The following RAP1GAP2 variants were observed in gnomAD, a reference collection of about 807,000 sequenced individuals.
RAP1GAP2 encodes the protein rap1 GTPase-activating protein 2.
A neutral mutation model predicts 95.0 loss-of-function variants in RAP1GAP2; 27 were observed. That is an observed-to-expected ratio of 0.28 (90% confidence interval 0.21 to 0.39). The LOEUF is 0.39. RAP1GAP2 is among the 10% of genes least tolerant of loss of function. The pLI, the probability that RAP1GAP2 is intolerant of heterozygous loss-of-function variation, is 1.00. For missense variants in RAP1GAP2, 771 were observed against 970.0 expected (o/e 0.79, Z 2.72); for synonymous variants, 373 against 380.9 (o/e 0.98, Z 0.24).
chr17:2,887,160 C>G (rs976286077), intron 2 of RAP1GAP2, among the ~76,000 whole-genome samples: 7 of 151,674 alleles, frequency 4.6e-5, no homozygotes, highest in African/African-American at 1.5e-4. Flanking sequence ...TAGGTCCAAG[C>G]GATTCTAGTG....
intron 1 of RAP1GAP2, among the ~76,000 whole-genome samples, chr17:2,770,097 A>G (rs1396813069): frequency 2.0e-5 from 3 of 150,814 alleles, no homozygotes; most frequent in Non-Finnish European, 4.4e-5. Flanking sequence ...AAAAAAAAGA[A>G]GAAGAAAGGA....
chr17:2,857,825 C>T lies in RAP1GAP2; in HGVS notation c.81-47459C>T, dbSNP rs74252349. ...CAAAATATGTACGTTCTTGGCCGGGCGCGGCAGCTCACGCCTGTAATCCCA... is the reference window on the plus strand; with the variant it reads ...CAAAATATGTACGTTCTTGGCCGGGTGCGGCAGCTCACGCCTGTAATCCCA... On this transcript the variant is annotated intron_variant, in intron 2 of 24. Transcript: ENST00000254695. This position sits in a 1 kb window ranked among gnomAD's most constrained non-coding sequence, Gnocchi z 4.0. Among the ~76,000 whole-genome samples the T allele has an allele frequency of 0.1, 15,528 of 152,248 alleles. 1,173 individuals carry two copies. The highest frequency in any genetic ancestry group is 0.28 in the East Asian group (1,435 of 5,178).
exon 2 of RAP1GAP2, chr17:2,770,428 C>G (rs889263073): frequency 2.5e-6 from 1 of 398,590 alleles, no homozygotes; most frequent in African/African-American, 2.1e-5. Context: ...GCCGGGCTGA[C>G]CTCGAGTCTC....
chr17:3,025,341 C>T (rs958932047), intron 19 of RAP1GAP2, among the ~76,000 whole-genome samples: 9 of 152,210 alleles, frequency 5.9e-5, no homozygotes, highest in African/African-American at 2.2e-4. Context: ...CGCACCACTG[C>T]ACTCCAGCCT....
Position 2,947,643 on chromosome 17 carries a change from G to C in RAP1GAP2, c.166-10116G>C, listed in dbSNP as rs1415016323. On this transcript the variant is annotated intron_variant, in intron 3 of 24. Transcript: ENST00000254695. ...AGAGCTCTGCCCTCGAGGACCTTCT[G>C]TTCTGCAGCCAGCCTGGTGGCCGGC... 3.3e-5 allele frequency among the ~76,000 whole-genome samples: 5 copies of C among 152,128 alleles called. No homozygotes were observed. In the South Asian group the frequency reaches 1.0e-3, roughly 32 times the overall value.
chr17:2,969,496 C>CTTT (rs34468461), intron 8 of RAP1GAP2, among the ~76,000 whole-genome samples: 13,291 of 83,664 alleles, frequency 0.16, 1,965 homozygotes, highest in East Asian at 0.28. Context: ...TATATATATT[C>CTTT]TTTTTTTTTT....
rs546994825 is a variant in RAP1GAP2, at chr17:2,963,927, G to A, written c.351G>A (p.Pro117=). Residue 117 remains proline, a synonymous_variant, in exon 7 of 25, where the codon CCG becomes CCA. Transcript: ENST00000254695. This position sits in a 1 kb window ranked among gnomAD's most constrained non-coding sequence, Gnocchi z 4.8. ...TTGGGGGCTATTGGATCGAGGACCC[G>A]GAGAACGTGGGCACCCCAACATCGC... is the stretch of plus-strand genomic sequence containing the variant. ...PQFGGYWIED[P]ENVGTPTSLG... The A allele has an allele frequency of 3.7e-6, 6 of 1,613,272 alleles. No individual in the cohort carries two copies. Among genetic ancestry groups the A allele is most frequent in the Admixed American group, 1.7e-5 (1 of 59,964 alleles).
At chr17:2,968,455 T>G (rs545907117) in intron 8 of RAP1GAP2, among the ~76,000 whole-genome samples, 3 of 152,312 alleles carry the variant, frequency 2.0e-5, no homozygotes, top group African/African-American at 7.2e-5. Context: ...GTTGTCAAGC[T>G]GATTGAAGAC....
At chr17:2,789,891 A>G (rs537164510) in intron 1 of RAP1GAP2, among the ~76,000 whole-genome samples, 4 of 151,862 alleles carry the variant, frequency 2.6e-5, no homozygotes, top group South Asian at 2.1e-4. Flanking sequence ...GCAATCTGCC[A>G]TCATCTTGCT....
intron 2 of RAP1GAP2, 29 bp downstream of exon 2, chr17:2,800,579 G>A (rs561047913): frequency 2.5e-6 from 4 of 1,608,358 alleles, no homozygotes; most frequent in Non-Finnish European, 3.4e-6. Context: ...TTCTGTAAAG[G>A]TCAGAGATGA....
intron 2 of RAP1GAP2, among the ~76,000 whole-genome samples, chr17:2,899,198 TTTTTA>T (rs562780693): frequency 5.9e-5 from 9 of 152,154 alleles, no homozygotes; most frequent in Non-Finnish European, 8.8e-5. Flanking sequence ...TTTGTTTTTA[TTTTTA>T]TTTTATTTTA....
upstream of RAP1GAP2, among the ~76,000 whole-genome samples, chr17:2,792,697 C>A (rs1490418243): frequency 6.6e-6 from 1 of 152,246 alleles, no homozygotes; most frequent in Non-Finnish European, 1.5e-5. Context: ...CAGTCCTGCT[C>A]CTTGGCCGGG....
chr17:2,994,399 C>A (rs1167352782), intron 12 of RAP1GAP2, among the ~76,000 whole-genome samples: 1 of 152,202 alleles, frequency 6.6e-6, no homozygotes, highest in Admixed American at 6.5e-5. Flanking sequence ...GCAGAAGGGA[C>A]AACTCCTGGA....
intron 2 of RAP1GAP2, among the ~76,000 whole-genome samples, chr17:2,839,017 A>G (rs1006584928): frequency 6.6e-6 from 1 of 152,072 alleles, no homozygotes; most frequent in Non-Finnish European, 1.5e-5. Context: ...AAAATTATAG[A>G]AAAGGCCAAG....
chr17:2,776,771 G>A (rs1056219498), upstream of RAP1GAP2, among the ~76,000 whole-genome samples: 1 of 150,584 alleles, frequency 6.6e-6, no homozygotes, highest in Admixed American at 6.6e-5. Flanking sequence ...CGCTGGGGCC[G>A]GCCGGGGTGC....
At chr17:2,852,231 C>T (rs1396771496) in intron 2 of RAP1GAP2, among the ~76,000 whole-genome samples, 1 of 152,160 alleles carries the variant, frequency 6.6e-6, no homozygotes, top group East Asian at 1.9e-4. Context: ...GCCTGCCTAA[C>T]CGCCAATCTC....
chr17:2,964,120 G>C (rs969049966), intron 7 of RAP1GAP2, 52 bp downstream of exon 7: 11 of 1,498,764 alleles, frequency 7.3e-6, no homozygotes, highest in Non-Finnish European at 1.0e-5. Context: ...GGCTGGGGAC[G>C]CTGGGAGAGA....
In RAP1GAP2 at chr17:3,003,659, G is replaced by A. The variant is rs1360734072; in HGVS notation, c.1201-1710G>A. On this transcript the variant is annotated intron_variant, in intron 14 of 24. Transcript: ENST00000254695. This position sits in a 1 kb window ranked among gnomAD's most constrained non-coding sequence, Gnocchi z 4.1. ...GCAGGTCCCTTCCCCAGAGTCACCT[G>A]CATCTGCCTCTCTCCCTCCCTCCAA... Among the ~76,000 whole-genome samples the A allele has an allele frequency of 6.6e-6, 1 of 152,134 alleles. No homozygotes were observed. Among genetic ancestry groups the A allele is most frequent in the East Asian group, 1.9e-4 (1 of 5,186 alleles).
At chr17:2,940,904 G>A (rs571101964) in intron 3 of RAP1GAP2, among the ~76,000 whole-genome samples, 1 of 152,294 alleles carries the variant, frequency 6.6e-6, no homozygotes, top group South Asian at 2.1e-4. Context: ...TGTGAGGAGT[G>A]ACAGGACACT....
Sources: allele counts gnomAD v4.1 joint callset (sites outside exome capture counted in the v4.1 genomes callset), GRCh38; gene constraint gnomAD v4.1.1; non-coding constraint Gnocchi (gnomAD v3.1); transcripts MANE v1.5; gene names NCBI Gene and HGNC (gene_info 2026-07-23, HGNC 2026-07-21).